ICOS: variants seen among roughly 807,000 people sequenced by gnomAD.
The protein encoded by ICOS is inducible T-cell costimulator.
A neutral mutation model predicts 24.6 loss-of-function variants in ICOS; 15 were observed. That is an observed-to-expected ratio of 0.61 (90% CI 0.41 to 0.94). ICOS has a LOEUF of 0.94. Among genes scored for constraint, ICOS ranks in the 40% least tolerant of loss-of-function variants. ICOS has a pLI of 0.00. For missense variants in ICOS, 200 were observed against 233.0 expected, an observed-to-expected ratio of 0.86 and a Z score of 0.92; for synonymous variants, 89 against 77.5, an observed-to-expected ratio of 1.15 and a Z score of -0.78.
At chr2:203,951,277 T>G (rs1002946719) in intron 1 of ICOS, among the ~76,000 whole-genome samples, 2 of 152,166 alleles carry the variant, frequency 1.3e-5, no homozygotes, top group African/African-American at 4.8e-5. Flanking sequence ...CAGAAAGTGG[T>G]TAACAGGAAC....
chr2:203,943,205 A>G (rs1486664957), intron 1 of ICOS, among the ~76,000 whole-genome samples: 3 of 151,970 alleles, frequency 2.0e-5, no homozygotes, highest in African/African-American at 7.3e-5. Flanking sequence ...AACTAGTGTG[A>G]TTTTTTGGGG....
intron 4 of ICOS, 79 bp downstream of exon 4, chr2:203,957,962 ATT>A: frequency 1.2e-6 from 1 of 850,952 alleles, no homozygotes; most frequent in Non-Finnish European, 1.9e-6. Context: ...TTTTTTTTTA[ATT>A]TTAAAGGAAA....
At chr2:203,951,113 T>C (rs563622976) in intron 1 of ICOS, among the ~76,000 whole-genome samples, 2 of 151,996 alleles carry the variant, frequency 1.3e-5, no homozygotes, top group East Asian at 3.9e-4. Flanking sequence ...AATCTTCAGC[T>C]GATGTCAGTG....
Position 203,960,033 on chromosome 2 carries a change from G to T in ICOS, c.*434G>T, listed in dbSNP as rs1450356718. ...CACTATCATACTACCTCTTCTTTCT[G>T]TAGGGATGAGAATTCCTCTTTTAAT... On this transcript the variant is annotated 3_prime_UTR_variant, in exon 5 of 5. Transcript: ENST00000316386. The T allele has an allele frequency of 3.3e-6, 1 of 305,822 alleles. No individual in the cohort carries two copies. Among genetic ancestry groups the T allele is most frequent in the Non-Finnish European group, 6.4e-6 (1 of 156,852 alleles). The allele number at this position is 305,822 out of a possible 1,614,324, so 18.9% of individuals were successfully genotyped here.
At chr2:203,944,372 C>G (rs1437792707) in intron 1 of ICOS, among the ~76,000 whole-genome samples, 1 of 152,152 alleles carries the variant, frequency 6.6e-6, no homozygotes, top group Non-Finnish European at 1.5e-5. Context: ...TAACTTGACT[C>G]ACCTCCAGAT....
At chr2:203,940,167 C>T (rs999948159) in intron 1 of ICOS, among the ~76,000 whole-genome samples, 1 of 152,098 alleles carries the variant, frequency 6.6e-6, no homozygotes, top group Non-Finnish European at 1.5e-5. Context: ...GTCTGATGTG[C>T]CTAGTCCCCA....
At chr2:203,958,447 T>A (rs542611291) in intron 4 of ICOS, among the ~76,000 whole-genome samples, 10 of 152,174 alleles carry the variant, frequency 6.6e-5, no homozygotes, top group Non-Finnish European at 1.3e-4. Context: ...AACATGGAAA[T>A]TTGACCTTTT....
intron 1 of ICOS, among the ~76,000 whole-genome samples, chr2:203,941,791 A>G (rs1199194842): frequency 6.6e-6 from 1 of 152,220 alleles, no homozygotes; most frequent in Non-Finnish European, 1.5e-5. Context: ...TATTTTGGAA[A>G]GTGGAACTTA....
At chr2:203,939,269 A>G (rs546447043) in intron 1 of ICOS, among the ~76,000 whole-genome samples, 5 of 152,278 alleles carry the variant, frequency 3.3e-5, no homozygotes, top group African/African-American at 1.2e-4. Flanking sequence ...GTAAATCTCA[A>G]TGATTCTGAT....
chr2:203,959,581 T>A lies in ICOS; in HGVS notation c.587-5T>A. ...TAGATAATTTATGCTGAATTTTTGT[T>A]ACAGATGTGACCCTATAATATGGAA... On this transcript the variant is annotated splice_polypyrimidine_tract_variant and splice_region_variant and intron_variant, in intron 4 of 4. Coordinates refer to ENST00000316386, the MANE Select transcript of ICOS (RefSeq NM_012092.4). 1 of 1,613,016 alleles carries A rather than the reference T, an allele frequency of 6.2e-7. No homozygotes were observed. Among genetic ancestry groups the A allele is most frequent in the Non-Finnish European group, 8.5e-7 (1 of 1,179,128 alleles).
chr2:203,959,423 G>A (rs1002223817), intron 4 of ICOS, among the ~76,000 whole-genome samples, 163 bp from the exon 5 acceptor site: 1 of 151,442 alleles, frequency 6.6e-6, no homozygotes, highest in African/African-American at 2.4e-5. Context: ...GGGTGTTGAA[G>A]CATAAAGATG....
chr2:203,955,122 C>G (rs866514551), intron 1 of ICOS, among the ~76,000 whole-genome samples: 1 of 151,910 alleles, frequency 6.6e-6, no homozygotes, highest in East Asian at 1.9e-4. Flanking sequence ...TTCAACTTTT[C>G]CCATATCTCT....
chr2:203,953,805 C>T (rs1690026500), intron 1 of ICOS, among the ~76,000 whole-genome samples: 1 of 151,502 alleles, frequency 6.6e-6, no homozygotes, highest in Admixed American at 6.6e-5. Flanking sequence ...AACATTTTGG[C>T]CAATAATATA....
In ICOS at chr2:203,959,682, C is replaced by A; in HGVS notation, c.*83C>A. 1.6e-6 allele frequency: 2 copies of A among 1,273,458 alleles called. No homozygotes were observed. Among genetic ancestry groups the A allele is most frequent in the Non-Finnish European group, 2.3e-6 (2 of 871,124 alleles). The allele number at this position is 1,273,458 out of a possible 1,614,324, so 78.9% of individuals were successfully genotyped here. A position where few individuals can be genotyped will look rare whatever the true frequency, so the allele number is the denominator to read the frequency against. ...TGCAAGATTCTCTTATTTCCGGGAC[C>A]ACGGAGAGTCTGACTTAACTACATA... On this transcript the variant is annotated 3_prime_UTR_variant, in exon 5 of 5. Transcript: ENST00000316386.
At chr2:203,952,136 C>G (rs1391715831) in intron 1 of ICOS, among the ~76,000 whole-genome samples, 1 of 151,904 alleles carries the variant, frequency 6.6e-6, no homozygotes, top group African/African-American at 2.4e-5. Context: ...TCAAGAAATA[C>G]AAGACTGTCA....
chr2:203,953,759 C>A (rs987382054), intron 1 of ICOS, among the ~76,000 whole-genome samples: 1 of 152,084 alleles, frequency 6.6e-6, no homozygotes, highest in Non-Finnish European at 1.5e-5. Context: ...CAATATCCAA[C>A]GTTAGTATTT....
intron 1 of ICOS, among the ~76,000 whole-genome samples, chr2:203,945,757 C>A (rs1381423417): frequency 6.6e-6 from 1 of 152,166 alleles, no homozygotes; most frequent in African/African-American, 2.4e-5. Context: ...CCATCGTTGA[C>A]CAACATGTCA....
intron 1 of ICOS, among the ~76,000 whole-genome samples, chr2:203,953,349 T>C (rs1249378715): frequency 6.6e-6 from 1 of 152,226 alleles, no homozygotes; most frequent in African/African-American, 2.4e-5. Context: ...TAATTTCTCC[T>C]CCTTTGTGTC....
intron 1 of ICOS, among the ~76,000 whole-genome samples, chr2:203,942,235 CAAT>C (rs769950059): frequency 6.6e-6 from 1 of 152,132 alleles, no homozygotes; most frequent in African/African-American, 2.4e-5. Context: ...GCAAAAACAA[CAAT>C]AACAACAACA....
Sources: allele counts gnomAD v4.1 joint callset (sites outside exome capture counted in the v4.1 genomes callset), GRCh38; gene constraint gnomAD v4.1.1; transcripts MANE v1.5; gene names NCBI Gene and HGNC (gene_info 2026-07-23, HGNC 2026-07-21).